PTPRD: variants seen among roughly 807,000 people sequenced by gnomAD.
PTPRD encodes protein tyrosine phosphatase receptor type D.
In PTPRD, 34 loss-of-function variants were observed where a neutral mutation model predicts 214.5. The ratio of observed to expected loss-of-function variants is 0.16; its 90% CI spans 0.12 to 0.21. The LOEUF (loss-of-function observed/expected upper bound fraction) is 0.21. Ranked by LOEUF, PTPRD falls within the 10% of genes least tolerant of loss-of-function variation. The pLI is 1.00. For synonymous variants in PTPRD, 1,128 were observed against 845.7 expected, an observed-to-expected ratio of 1.33 and a Z score of -5.79; for missense variants, 2,545 against 2,398.7, an observed-to-expected ratio of 1.06 and a Z score of -1.27.
chr9:10,538,308 G>A (rs2058344644), intron 2 of PTPRD, among the ~76,000 whole-genome samples: 1 of 150,798 alleles, frequency 6.6e-6, no homozygotes, highest in Admixed American at 6.6e-5. Flanking sequence ...AAAGGGAGAG[G>A]AGTGGTTCTG....
chr9:9,311,588 A>G (rs1959018792), intron 9 of PTPRD, among the ~76,000 whole-genome samples: 2 of 152,188 alleles, frequency 1.3e-5, no homozygotes, highest in Non-Finnish European at 2.9e-5. Flanking sequence ...TTGCTTAAGG[A>G]GAATTTAGAA....
chr9:10,302,744 G>A (rs1337289126), intron 3 of PTPRD, among the ~76,000 whole-genome samples: 1 of 152,134 alleles, frequency 6.6e-6, no homozygotes, highest in Non-Finnish European at 1.5e-5. Flanking sequence ...CCCAATACAG[G>A]AGCACCCAGA....
chr9:9,185,834 T>A (rs2099931051), intron 9 of PTPRD, among the ~76,000 whole-genome samples: 2 of 151,860 alleles, frequency 1.3e-5, no homozygotes, highest in Non-Finnish European at 1.5e-5. Context: ...TAAAGACACC[T>A]CTTACAGGTT....
chr9:10,591,631 A>T (rs4741043), intron 2 of PTPRD, among the ~76,000 whole-genome samples: 21,234 of 152,010 alleles, frequency 0.14, 2,178 homozygotes, highest in East Asian at 0.56. Flanking sequence ...AGGACTATTT[A>T]CTGTCCCAAG....
chr9:10,271,127 A>G (rs1389388668), intron 3 of PTPRD, among the ~76,000 whole-genome samples: 1 of 152,184 alleles, frequency 6.6e-6, no homozygotes, highest in African/African-American at 2.4e-5. Context: ...CCTGGCCTGG[A>G]CCTAACATTT....
chr9:8,439,461 CT>C (rs1333268358), intron 34 of PTPRD, among the ~76,000 whole-genome samples: 2 of 152,138 alleles, frequency 1.3e-5, no homozygotes, highest in Non-Finnish European at 2.9e-5. Flanking sequence ...AGAGTACTTA[CT>C]TTTTACAAAA....
At chr9:8,376,379 A>G (rs1278191799) in intron 38 of PTPRD, among the ~76,000 whole-genome samples, 1 of 151,842 alleles carries the variant, frequency 6.6e-6, no homozygotes, top group Admixed American at 6.6e-5. Flanking sequence ...TTCTTCATCT[A>G]CTCTTCATTG....
Position 10,060,827 on chromosome 9 carries a change from T to TCTTTCTTCCTTCCTTC in PTPRD, c.-544-27038_-544-27037insGAAGGAAGGAAGAAAG, listed in dbSNP as rs1217470478. On this transcript the variant is annotated intron_variant, in intron 3 of 45. Transcript: ENST00000381196. The stretch of plus-strand genomic sequence containing the variant: ...TCCTTTCTTTCTTTCTTTCTTTCTT[T>TCTTTCTTCCTTCCTTC]CTTCCTTCCTTCCTTCCTTTCCTTT... Among the ~76,000 whole-genome samples the TCTTTCTTCCTTCCTTC allele has an allele frequency of 4.2e-5, 5 of 119,752 alleles. 1 individual carries two copies. Among genetic ancestry groups the TCTTTCTTCCTTCCTTC allele is most frequent in the Non-Finnish European group, 6.3e-5 (4 of 63,734 alleles). The allele number at this position is 119,752 out of a possible 152,430, so 78.6% of individuals were successfully genotyped here.
At chr9:10,075,678 T>G (rs79570401) in intron 3 of PTPRD, among the ~76,000 whole-genome samples, 3 of 151,394 alleles carry the variant, frequency 2.0e-5, no homozygotes, top group African/African-American at 7.3e-5. Context: ...TCTCATTTTC[T>G]GGGGGGGAGG....
rs573017196 is a variant in PTPRD, at chr9:9,057,099, T to A, written c.-142-38364A>T. On this transcript the variant is annotated intron_variant, in intron 10 of 45. Coordinates refer to ENST00000381196, the MANE Select transcript of PTPRD (RefSeq NM_002839.4). ...GCTCTTCATAAACCTTAAATAGCTA[T>A]ACAAACATATTAAATAGTTGGCATT... Among the ~76,000 whole-genome samples the A allele has an allele frequency of 3.9e-5, 6 of 152,286 alleles. No individual in the cohort carries two copies. The East Asian group carries it at 1.2e-3, about 29-fold the overall frequency.
chr9:8,726,332 T>C (rs1473917291), intron 12 of PTPRD, among the ~76,000 whole-genome samples: 1 of 151,604 alleles, frequency 6.6e-6, no homozygotes, highest in East Asian at 2.0e-4. Context: ...CTCACGACTA[T>C]AATCCCAGCA....
intron 7 of PTPRD, among the ~76,000 whole-genome samples, chr9:9,678,941 T>C (rs1017155175): frequency 1.3e-5 from 2 of 151,802 alleles, no homozygotes; most frequent in African/African-American, 4.8e-5. Context: ...AAGTCCACCT[T>C]GTGGGAAAAT....
At chr9:9,695,552 A>C (rs2097358024) in intron 7 of PTPRD, among the ~76,000 whole-genome samples, 1 of 152,104 alleles carries the variant, frequency 6.6e-6, no homozygotes, top group African/African-American at 2.4e-5. Context: ...CATATATGGC[A>C]TTTATTATTT....
intron 10 of PTPRD, among the ~76,000 whole-genome samples, chr9:9,128,581 T>A (rs1276217271): frequency 6.6e-6 from 1 of 152,222 alleles, no homozygotes; most frequent in Non-Finnish European, 1.5e-5. Context: ...GGGCTGTAAG[T>A]ATAATAGTCT....
intron 35 of PTPRD, among the ~76,000 whole-genome samples, chr9:8,408,822 A>C (rs2093277150): frequency 6.6e-6 from 1 of 152,170 alleles, no homozygotes; most frequent in African/African-American, 2.4e-5. Flanking sequence ...CAGATCTTCA[A>C]CTCAAAGGCT....
chr9:9,962,506 C>A (rs912510182), intron 4 of PTPRD, among the ~76,000 whole-genome samples: 7 of 151,840 alleles, frequency 4.6e-5, no homozygotes, highest in African/African-American at 1.5e-4. Context: ...ACAATTCACC[C>A]AAACATTAAG....
At chr9:8,656,696 T>A (rs2096916388) in intron 12 of PTPRD, among the ~76,000 whole-genome samples, 1 of 152,182 alleles carries the variant, frequency 6.6e-6, no homozygotes, top group South Asian at 2.1e-4. Flanking sequence ...TTGAAATATA[T>A]TTGTTTTGGA....
At chr9:9,635,785 T>C (rs2095746784) in intron 7 of PTPRD, among the ~76,000 whole-genome samples, 1 of 152,146 alleles carries the variant, frequency 6.6e-6, no homozygotes, top group African/African-American at 2.4e-5. Flanking sequence ...ATGCAAACCA[T>C]CTCAAATCTT....
intron 3 of PTPRD, among the ~76,000 whole-genome samples, chr9:10,179,150 C>T (rs2099267041): frequency 6.6e-6 from 1 of 151,848 alleles, no homozygotes; most frequent in South Asian, 2.1e-4. Flanking sequence ...ATGAGTTAGA[C>T]ATCATTCATA....
Sources: allele counts gnomAD v4.1 joint callset (sites outside exome capture counted in the v4.1 genomes callset), GRCh38; gene constraint gnomAD v4.1.1; transcripts MANE v1.5; gene names NCBI Gene and HGNC (gene_info 2026-07-23, HGNC 2026-07-21).